Variants in DPYD observed in about 807,000 individuals in gnomAD.
DPYD encodes the protein dihydropyrimidine dehydrogenase [NADP(+)].
In DPYD, 109 loss-of-function variants were observed where a neutral mutation model predicts 116.2. The observed-to-expected ratio is 0.94, with a 90% CI of 0.80 to 1.10. The LOEUF (loss-of-function observed/expected upper bound fraction) is 1.10. DPYD is among the 50% of genes least tolerant of loss of function. The probability of loss-of-function intolerance (pLI) is 0.00; values close to 1 mark genes in which losing one functional copy is unlikely to be tolerated. For missense variants in DPYD, 1,302 were observed against 1,254.5 expected, an observed-to-expected ratio of 1.04 and a Z score of -0.57; for synonymous variants, 440 against 432.0, an observed-to-expected ratio of 1.02 and a Z score of -0.23.
chr1:97,529,775 TTC>T (rs1038034204), intron 12 of DPYD, among the ~76,000 whole-genome samples: 1 of 123,046 alleles, frequency 8.1e-6, no homozygotes, highest in Non-Finnish European at 1.7e-5. Context: ...TCTTTCTTCT[TTC>T]TTTCTCTTTT....
At chr1:97,401,929 G>T (rs1406245617) in intron 14 of DPYD, among the ~76,000 whole-genome samples, 1 of 152,042 alleles carries the variant, frequency 6.6e-6, no homozygotes, top group Non-Finnish European at 1.5e-5. Context: ...AAAATCAGTT[G>T]ATTTAATTAT....
intron 1 of DPYD, among the ~76,000 whole-genome samples, chr1:97,906,073 A>C (rs529492555): frequency 6.6e-6 from 1 of 151,976 alleles, no homozygotes; most frequent in East Asian, 2.0e-4. Context: ...ATTAATTCTA[A>C]CTCTGCCAGC....
intron 10 of DPYD, among the ~76,000 whole-genome samples, chr1:97,590,845 C>T (rs914460839): frequency 6.6e-6 from 1 of 152,198 alleles, no homozygotes; most frequent in African/African-American, 2.4e-5. Flanking sequence ...GCTTCTGATG[C>T]CACTCCACTA....
At chr1:97,624,470 C>T (rs1280381691) in intron 8 of DPYD, among the ~76,000 whole-genome samples, 1 of 151,886 alleles carries the variant, frequency 6.6e-6, no homozygotes, top group Admixed American at 6.6e-5. Context: ...TGAAAGATAA[C>T]AAGTGTTAGC....
chr1:97,895,725 T>G (rs1044155623), intron 1 of DPYD, among the ~76,000 whole-genome samples: 2 of 151,690 alleles, frequency 1.3e-5, no homozygotes, highest in African/African-American at 4.8e-5. Context: ...ATCATGAAAT[T>G]TATGAATTTA....
At chr1:97,304,639 T>C (rs1343949552) in intron 18 of DPYD, among the ~76,000 whole-genome samples, 3 of 152,004 alleles carry the variant, frequency 2.0e-5, no homozygotes, top group Admixed American at 1.3e-4. Context: ...CCTTACAGCA[T>C]TGTCTTTGCA....
At chr1:97,763,236 C>T (rs1345409931) in intron 3 of DPYD, among the ~76,000 whole-genome samples, 1 of 151,890 alleles carries the variant, frequency 6.6e-6, no homozygotes, top group Non-Finnish European at 1.5e-5. Flanking sequence ...ATATTGTATT[C>T]CTTTCTGTAT....
intron 8 of DPYD, among the ~76,000 whole-genome samples, chr1:97,624,100 G>A (rs1017230763): frequency 3.3e-5 from 5 of 151,988 alleles, no homozygotes; most frequent in Admixed American, 1.3e-4. Flanking sequence ...CAAAAGCACA[G>A]GCAACAAAAG....
At chr1:97,809,367 G>A (rs1668238724) in intron 3 of DPYD, among the ~76,000 whole-genome samples, 1 of 152,132 alleles carries the variant, frequency 6.6e-6, no homozygotes, top group South Asian at 2.1e-4. Context: ...TCTGAAGTTT[G>A]TATTGGGATT....
intron 10 of DPYD, among the ~76,000 whole-genome samples, chr1:97,577,053 T>C (rs72975717): frequency 6.6e-6 from 1 of 152,216 alleles, no homozygotes; most frequent in African/African-American, 2.4e-5. Context: ...TTAAGATTTA[T>C]CTTGGGAAAT....
rs72975710 is a variant in DPYD at position 97,549,735 on chromosome 1, G to A, written c.1349C>T (p.Ala450Val). ...TCTGTTAAATTTTATAGGGCTCAAG[G>A]CTTCTTTTACTGAAAAAACAAGTGA... ...SVLSDPKVKEALSPIKFNRWG... is the reference protein window; with the variant it reads ...SVLSDPKVKEVLSPIKFNRWG... Residue 450 changes from alanine to valine, a missense_variant, in exon 12 of 23, where the codon GCC (alanine) becomes GTC (valine). Coordinates refer to ENST00000370192, the MANE Select transcript of DPYD (RefSeq NM_000110.4). 196 of 1,613,396 alleles carry A rather than the reference G, an allele frequency of 1.2e-4. No individual in the cohort carries two copies. The African/African-American group carries it at 2.1e-3, about 17-fold the overall frequency.
intron 11 of DPYD, among the ~76,000 whole-genome samples, chr1:97,567,206 G>C (rs1346351422): frequency 2.6e-5 from 4 of 152,100 alleles, no homozygotes; most frequent in Admixed American, 1.3e-4. Flanking sequence ...GGGGGCAAGT[G>C]AATCAAAGCT....
intron 8 of DPYD, among the ~76,000 whole-genome samples, chr1:97,608,285 A>C (rs1219116094): frequency 6.6e-6 from 1 of 152,040 alleles, no homozygotes; most frequent in Non-Finnish European, 1.5e-5. Flanking sequence ...TAATTTGTGT[A>C]ATATTTGTTT....
intron 5 of DPYD, among the ~76,000 whole-genome samples, chr1:97,702,435 A>C (rs1661649066): frequency 6.6e-6 from 1 of 151,858 alleles, no homozygotes; most frequent in South Asian, 2.1e-4. Context: ...GAATAATTTT[A>C]GCTTTGTGAA....
intron 3 of DPYD, among the ~76,000 whole-genome samples, chr1:97,786,120 T>C (rs1393322007): frequency 6.7e-6 from 1 of 148,534 alleles, no homozygotes; most frequent in Non-Finnish European, 1.5e-5. Flanking sequence ...TCTCCCAAAA[T>C]ACGCAATTTA....
At chr1:97,489,681 A>G (rs551610858) in intron 13 of DPYD, among the ~76,000 whole-genome samples, 52 of 152,308 alleles carry the variant, frequency 3.4e-4, no homozygotes, top group South Asian at 1.0e-3. Flanking sequence ...AGTACTTGCT[A>G]AAGTTTTACT....
chr1:97,677,702 G>A (rs1295739574), intron 8 of DPYD, among the ~76,000 whole-genome samples: 1 of 152,130 alleles, frequency 6.6e-6, no homozygotes, highest in Non-Finnish European at 1.5e-5. Context: ...AAGGAAGGAG[G>A]TTCAGTTGAG....
intron 13 of DPYD, among the ~76,000 whole-genome samples, chr1:97,466,944 G>T (rs933843712): frequency 2.6e-5 from 4 of 152,140 alleles, no homozygotes; most frequent in African/African-American, 9.7e-5. Context: ...CTGCAGTGGG[G>T]GGTGGAGGGT....
intron 11 of DPYD, among the ~76,000 whole-genome samples, chr1:97,572,137 T>G (rs1652945154): frequency 1.3e-5 from 2 of 151,952 alleles, no homozygotes; most frequent in Non-Finnish European, 2.9e-5. Context: ...TTCTCTAAAT[T>G]TATAAGAGGT....
Sources: allele counts gnomAD v4.1 joint callset (sites outside exome capture counted in the v4.1 genomes callset), GRCh38; gene constraint gnomAD v4.1.1; transcripts MANE v1.5; gene names NCBI Gene and HGNC (gene_info 2026-07-23, HGNC 2026-07-21).